CCSER1: variants seen among roughly 807,000 people sequenced by gnomAD.
The protein encoded by CCSER1 is serine-rich coiled-coil domain-containing protein 1.
Under a neutral mutation model 82.0 loss-of-function variants are expected in CCSER1, and 41 were observed. The observed-to-expected ratio is 0.50, with a 90% CI of 0.39 to 0.65. The LOEUF (loss-of-function observed/expected upper bound fraction) is 0.65, where lower values mean the gene tolerates loss of function less well. Ranked by LOEUF, CCSER1 falls within the 30% of genes least tolerant of loss-of-function variation. The pLI, the probability that CCSER1 is intolerant of heterozygous loss-of-function variation, is 0.00. For synonymous variants in CCSER1, 414 were observed against 383.9 expected (o/e 1.08, Z -0.92); for missense variants, 1,119 against 1,064.2 (o/e 1.05, Z -0.72).
intron 10 of CCSER1, among the ~76,000 whole-genome samples, chr4:91,228,520 T>C (rs542246808): frequency 6.6e-6 from 1 of 152,148 alleles, no homozygotes; most frequent in East Asian, 1.9e-4. Context: ...ACTCTTATTT[T>C]AAATATATTC....
intron 1 of CCSER1, among the ~76,000 whole-genome samples, chr4:90,283,867 A>G (rs1444939684): frequency 1.3e-5 from 2 of 152,060 alleles, no homozygotes; most frequent in Non-Finnish European, 2.9e-5. Flanking sequence ...GCTGGGTCAC[A>G]TGGTAGCTCT....
chr4:91,154,225 C>T (rs1730565270), intron 10 of CCSER1, among the ~76,000 whole-genome samples: 1 of 152,048 alleles, frequency 6.6e-6, no homozygotes, highest in African/African-American at 2.4e-5. Context: ...CGCCCCTCCC[C>T]CAGCCTTGCT....
At chr4:90,420,157 A>G (rs1756459388) in intron 4 of CCSER1, among the ~76,000 whole-genome samples, 1 of 152,006 alleles carries the variant, frequency 6.6e-6, no homozygotes, top group Non-Finnish European at 1.5e-5. Flanking sequence ...AATATTTTTT[A>G]TTAGCTGTTT....
chr4:91,299,371 C>A (rs377154624), intron 10 of CCSER1, among the ~76,000 whole-genome samples: 3 of 151,980 alleles, frequency 2.0e-5, no homozygotes, highest in Non-Finnish European at 4.4e-5. Context: ...ACTTCATTTA[C>A]TAAAGGCCCA....
intron 10 of CCSER1, among the ~76,000 whole-genome samples, chr4:91,453,449 T>C (rs918282711): frequency 1.3e-5 from 2 of 152,044 alleles, no homozygotes; most frequent in African/African-American, 4.8e-5. Flanking sequence ...GGCCCCTTTT[T>C]ATTTCTCTGT....
intron 7 of CCSER1, among the ~76,000 whole-genome samples, chr4:90,776,726 G>A (rs890831078): frequency 6.6e-6 from 1 of 152,134 alleles, no homozygotes; most frequent in Admixed American, 6.6e-5. Flanking sequence ...TATTAAATAA[G>A]CACTAATATT....
At chr4:90,205,552 T>G (rs1738637988) in intron 1 of CCSER1, among the ~76,000 whole-genome samples, 1 of 152,180 alleles carries the variant, frequency 6.6e-6, no homozygotes, top group Admixed American at 6.5e-5. Flanking sequence ...GAAGCCTACT[T>G]GATTGTGGTG....
chr4:91,118,826 A>T (rs1726849771), intron 10 of CCSER1, among the ~76,000 whole-genome samples: 2 of 152,142 alleles, frequency 1.3e-5, no homozygotes, highest in South Asian at 4.1e-4. Flanking sequence ...GGGTACTATG[A>T]TCAACTCTTA....
intron 5 of CCSER1, among the ~76,000 whole-genome samples, chr4:90,578,627 T>C (rs1445261831): frequency 6.6e-6 from 1 of 152,182 alleles, no homozygotes; most frequent in Non-Finnish European, 1.5e-5. Flanking sequence ...TATTCTCCCA[T>C]CTCAACTTCA....
intron 5 of CCSER1, among the ~76,000 whole-genome samples, chr4:90,582,490 A>G (rs1781515751): frequency 6.6e-6 from 1 of 152,220 alleles, no homozygotes; most frequent in African/African-American, 2.4e-5. Context: ...GATTAGTACA[A>G]AGCAAATTAA....
intron 10 of CCSER1, among the ~76,000 whole-genome samples, chr4:91,594,684 G>T (rs890778440): frequency 6.6e-6 from 1 of 151,880 alleles, no homozygotes; most frequent in Non-Finnish European, 1.5e-5. Flanking sequence ...GATTGTTAGA[G>T]TTTCTTCAAG....
chr4:90,245,649 A>G (rs1161133163), intron 1 of CCSER1, among the ~76,000 whole-genome samples: 1 of 152,156 alleles, frequency 6.6e-6, no homozygotes, highest in Non-Finnish European at 1.5e-5. Flanking sequence ...ACATGGATCT[A>G]TATATGAAGA....
intron 1 of CCSER1, among the ~76,000 whole-genome samples, chr4:90,284,159 A>G (rs1462969402): frequency 6.6e-6 from 1 of 151,756 alleles, no homozygotes; most frequent in Non-Finnish European, 1.5e-5. Context: ...TTTTTATTGT[A>G]TTATTTTTCT....
intron 9 of CCSER1, among the ~76,000 whole-genome samples, chr4:90,926,114 T>C (rs934941189): frequency 6.6e-6 from 1 of 152,046 alleles, no homozygotes; most frequent in South Asian, 2.1e-4. Flanking sequence ...TTTTTAATAT[T>C]TTATATGCAA....
chr4:90,564,627 A>AT (rs1779158205), intron 5 of CCSER1, among the ~76,000 whole-genome samples: 1 of 147,810 alleles, frequency 6.8e-6, no homozygotes, highest in Non-Finnish European at 1.5e-5. Context: ...CTTTCCCTCT[A>AT]TTTTTTCTTC....
intron 6 of CCSER1, among the ~76,000 whole-genome samples, chr4:90,659,968 TTTG>T (rs924663307): frequency 6.6e-5 from 10 of 151,942 alleles, no homozygotes; most frequent in African/African-American, 1.2e-4. Context: ...AGTGAGGTTT[TTTG>T]TTGTTGTTGA....
chr4:91,183,676 C>G (rs1340706620), intron 10 of CCSER1, among the ~76,000 whole-genome samples: 1 of 152,176 alleles, frequency 6.6e-6, no homozygotes, highest in African/African-American at 2.4e-5. Context: ...AGCTACTCTA[C>G]TAAGTCCTGT....
intron 10 of CCSER1, among the ~76,000 whole-genome samples, chr4:91,548,836 G>A (rs756897563): frequency 1.1e-4 from 16 of 151,686 alleles, no homozygotes; most frequent in Non-Finnish European, 1.5e-4. Context: ...ATGCCTAAGC[G>A]TCATTTTCTC....
At chr4:90,904,690 A>G (rs771329406) in intron 8 of CCSER1, among the ~76,000 whole-genome samples, 1 of 152,114 alleles carries the variant, frequency 6.6e-6, no homozygotes, top group Non-Finnish European at 1.5e-5. Flanking sequence ...GAAAAGTAGC[A>G]TGTTTGCAAC....
Sources: gnomAD v4.1 joint callset for allele counts (sites outside exome capture counted in the v4.1 genomes callset) on GRCh38, gnomAD v4.1.1 for gene constraint, MANE v1.5 for transcripts, NCBI Gene and HGNC (gene_info 2026-07-23, HGNC 2026-07-21) for gene names.